Variants in AKAP12 observed in about 807,000 individuals in gnomAD.
AKAP12 encodes A-kinase anchoring protein 12, also known as A-kinase anchor protein 12.
In AKAP12, 32 loss-of-function variants were observed where a neutral mutation model predicts 79.9. The ratio of observed to expected loss-of-function variants is 0.40; its 90% CI spans 0.30 to 0.54. The LOEUF is 0.54. AKAP12 is among the 20% of genes least tolerant of loss of function. The pLI is 0.48. For missense variants in AKAP12, 2,074 were observed against 2,177.0 expected (o/e 0.95, Z 0.94); for synonymous variants, 808 against 857.0 (o/e 0.94, Z 1.00).
Position 151,255,202 on chromosome 6 carries a change from G to C in AKAP12, c.162+14478G>C, listed in dbSNP as rs112591734. Among the ~76,000 whole-genome samples, 163 of 151,116 alleles carry C rather than the reference G, an allele frequency of 1.1e-3. 1 individual carries two copies. Among genetic ancestry groups the C allele is most frequent in the African/African-American group, 3.7e-3 (152 of 41,160 alleles). On this transcript the variant is annotated intron_variant, in intron 2 of 4. Coordinates refer to ENST00000402676, the MANE Select transcript of AKAP12 (RefSeq NM_005100.4). ...TTTTTTGAGACGGAGTTTCGCTCTT[G>C]TTGCCCAGGCTGGAGTGCAGTGGCA... is the stretch of plus-strand genomic sequence containing the variant.
intron 2 of AKAP12, among the ~76,000 whole-genome samples, chr6:151,271,564 C>T (rs189971219): frequency 7.1e-4 from 108 of 152,082 alleles, no homozygotes; most frequent in African/African-American, 2.1e-3. Context: ...TCAAGCAATC[C>T]GCCCACCTCG....
intron 2 of AKAP12, among the ~76,000 whole-genome samples, chr6:151,264,348 C>G (rs1049877204): frequency 6.7e-6 from 1 of 148,848 alleles, no homozygotes; most frequent in East Asian, 2.0e-4. Context: ...TAAGATATAC[C>G]TGGCCAAGAC....
At position 151,276,752 on chromosome 6, in the gene AKAP12, C is replaced by T. The variant is rs141757880; in HGVS notation, c.163-28995C>T. ...TTATTTATTTGCCTGTTCCCCCTAG[C>T]AAGTCACTGATTGTGCTTTATCACG... On this transcript the variant is annotated intron_variant, in intron 2 of 4. Transcript: ENST00000402676. Among the ~76,000 whole-genome samples, 4 of 152,374 alleles carry T rather than the reference C, an allele frequency of 2.6e-5. No individual in the cohort carries two copies. The East Asian group carries it at 7.7e-4, about 29-fold the overall frequency.
At chr6:151,337,524 AAAAG>A (rs1554331949) in intron 3 of AKAP12, among the ~76,000 whole-genome samples, 1 of 129,784 alleles carries the variant, frequency 7.7e-6, no homozygotes, top group Non-Finnish European at 1.5e-5. Context: ...AAAAAAAAAA[AAAAG>A]AAAGAAAGAA....
intron 2 of AKAP12, among the ~76,000 whole-genome samples, chr6:151,247,735 G>A (rs144551838): frequency 1.3e-5 from 2 of 152,326 alleles, no homozygotes; most frequent in South Asian, 2.1e-4. Context: ...AAACAATAGA[G>A]TGAAGGCTTA....
At chr6:151,341,774 C>T (rs944854744) in intron 3 of AKAP12, 6 of 1,287,896 alleles carry the variant, frequency 4.7e-6, no homozygotes, top group African/African-American at 3.0e-5. Flanking sequence ...CCCTTAGGAC[C>T]GGCCCGAGAT....
chr6:151,272,067 A>C (rs1032456694), intron 2 of AKAP12, among the ~76,000 whole-genome samples: 2 of 152,252 alleles, frequency 1.3e-5, no homozygotes, highest in Non-Finnish European at 1.5e-5. Context: ...CTGGCCAGGC[A>C]TGGTGGCTCA....
rs201509723 is a variant in AKAP12, at chr6:151,349,153, C to T, written c.762C>T (p.Pro254=). ...AGCAAAGCCACGCAGAAATTTCTCC[C>T]CCAGCCGAATCTGGCCAAGCAGTGG... ...KREQSHAEIS[P]PAESGQAVEE... is the part of the protein sequence containing the mutation. Residue 254 remains proline, a synonymous_variant, in exon 4 of 5, where the codon CCC becomes CCT. Coordinates refer to ENST00000402676, the MANE Select transcript of AKAP12 (RefSeq NM_005100.4). 56 of 1,613,760 alleles carry T rather than the reference C, an allele frequency of 3.5e-5. No individual in the cohort carries two copies. The highest frequency in any genetic ancestry group is 4.5e-5 in the Non-Finnish European group (53 of 1,180,026).
chr6:151,258,672 G>A (rs4870005), intron 2 of AKAP12, among the ~76,000 whole-genome samples: 14,167 of 152,088 alleles, frequency 0.093, 1,133 homozygotes, highest in East Asian at 0.27. Context: ...TTGAGACAGG[G>A]TCTTGCTCTG....
At chr6:151,354,033 TG>T (rs1234022585) in intron 4 of AKAP12, among the ~76,000 whole-genome samples, 2 of 152,160 alleles carry the variant, frequency 1.3e-5, no homozygotes, top group African/African-American at 4.8e-5. Context: ...TGTGCACATG[TG>T]CGTGTTTGAC....
chr6:151,326,974 G>T (rs922421962), intron 3 of AKAP12, among the ~76,000 whole-genome samples: 4 of 151,960 alleles, frequency 2.6e-5, no homozygotes, highest in African/African-American at 7.3e-5. Context: ...GTGCCACCAC[G>T]CCCAGATAAT....
Position 151,350,882 on chromosome 6 carries a change from G to A in AKAP12, c.2491G>A (p.Ala831Thr), listed in dbSNP as rs1167352574. ...GKQEQAPVEDAGPTGANEDDS... is the reference protein window; with the variant it reads ...GKQEQAPVEDTGPTGANEDDS... ...ACAAGAACAAGCCCCTGTTGAAGAC[G>A]CAGGGCCAACAGGGGCCAACGAAGA... The change falls in exon 4 of 5, where the codon GCA (alanine) becomes ACA (threonine). Residue 831 changes from alanine (A) to threonine (T), a missense_variant. This residue lies in a region of AKAP12 where 1,428 missense variants were observed against 1,451.0 expected (regional missense o/e 0.98). Transcript: ENST00000402676. This position sits in a 1 kb window ranked among gnomAD's most constrained non-coding sequence, Gnocchi z 4.8. 2.5e-6 allele frequency: 4 copies of A among 1,614,094 alleles called. No individual in the cohort carries two copies. The highest frequency in any genetic ancestry group is 2.2e-5 in the South Asian group (2 of 91,072).
intron 2 of AKAP12, among the ~76,000 whole-genome samples, chr6:151,263,615 G>C (rs1226331911): frequency 6.0e-5 from 9 of 151,218 alleles, no homozygotes; most frequent in Admixed American, 2.6e-4. Context: ...GTTTCACTCT[G>C]TTGCCCAGGC....
intron 2 of AKAP12, among the ~76,000 whole-genome samples, chr6:151,296,184 G>A (rs1329153965): frequency 1.3e-5 from 2 of 152,148 alleles, no homozygotes; most frequent in African/African-American, 2.4e-5. Context: ...AGCTCTGGAG[G>A]CCAATTTCTC....
Position 151,356,080 on chromosome 6 carries a change from C to T in AKAP12, c.*366C>T, listed in dbSNP as rs1198543998. The T allele has an allele frequency of 6.6e-6, 1 of 152,588 alleles. No individual in the cohort carries two copies. Among genetic ancestry groups the T allele is most frequent in the Non-Finnish European group, 1.5e-5 (1 of 68,020 alleles). The allele number at this position is 152,588 out of a possible 1,614,324, so 9.5% of individuals were successfully genotyped here. ...TATTTATATGTATGTTTTAAGTAGT[C>T]CTCCTGTATCTATTGTATATTTTTT... On this transcript the variant is annotated 3_prime_UTR_variant, in exon 5 of 5. Transcript: ENST00000402676.
chr6:151,353,392 A>C lies in AKAP12; in HGVS notation c.5001A>C (p.Gly1667=). The change falls in exon 4 of 5, where the codon GGA becomes GGC. Residue 1667 remains glycine, a synonymous_variant. Coordinates refer to ENST00000402676, the MANE Select transcript of AKAP12 (RefSeq NM_005100.4). Reference sequence around the variant, plus strand: ...TCGTCCTCCCATCTGAGGAAGAGGGAGGTGGAGCTGGAACAAAGTCTGTGC... The same window carrying C: ...TCGTCCTCCCATCTGAGGAAGAGGGCGGTGGAGCTGGAACAAAGTCTGTGC... ...EEVVLPSEEE[G]GGAGTKSVPE... is the part of the protein sequence containing the mutation. The C allele has an allele frequency of 6.2e-7, 1 of 1,614,176 alleles. No individual in the cohort carries two copies. The highest frequency in any genetic ancestry group is 1.1e-5 in the South Asian group (1 of 91,072).
At chr6:151,286,462 G>A (rs947564906) in intron 2 of AKAP12, among the ~76,000 whole-genome samples, 4 of 152,188 alleles carry the variant, frequency 2.6e-5, no homozygotes, top group Non-Finnish European at 5.9e-5. Context: ...ATGAGGAAGC[G>A]CCAACCCTCG....
intron 3 of AKAP12, among the ~76,000 whole-genome samples, chr6:151,310,374 A>AC (rs1367265307): frequency 8.6e-5 from 13 of 152,046 alleles, no homozygotes; most frequent in African/African-American, 2.9e-4. Context: ...CAAAAAAAAA[A>AC]CAAAAACAAA....
intron 2 of AKAP12, among the ~76,000 whole-genome samples, chr6:151,284,128 C>T (rs905716980): frequency 4.6e-5 from 7 of 152,160 alleles, no homozygotes; most frequent in African/African-American, 9.7e-5. Context: ...TGGAGAACCT[C>T]GCCAGTGCCC....
Sources: gnomAD v4.1 joint callset for allele counts (sites outside exome capture counted in the v4.1 genomes callset) on GRCh38, gnomAD v4.1.1 for gene constraint, gnomAD v4.1.1 regional missense constraint, Gnocchi (gnomAD v3.1) non-coding constraint, MANE v1.5 for transcripts, NCBI Gene and HGNC (gene_info 2026-07-23, HGNC 2026-07-21) for gene names.